DGKI: variants seen among roughly 807,000 people sequenced by gnomAD.
DGKI encodes the protein diacylglycerol kinase iota.
Under a neutral mutation model 147.5 loss-of-function variants are expected in DGKI, and 55 were observed. The observed-to-expected ratio is 0.37, with a 90% CI of 0.30 to 0.47. The LOEUF (loss-of-function observed/expected upper bound fraction) is 0.47. Among genes scored for constraint, DGKI ranks in the 20% least tolerant of loss-of-function variants. The pLI is 1.00. For missense variants in DGKI, 1,007 were observed against 1,323.8 expected, an observed-to-expected ratio of 0.76 and a Z score of 3.71; for synonymous variants, 469 against 477.1, an observed-to-expected ratio of 0.98 and a Z score of 0.22.
chr7:137,730,545 T>C (rs552439425), intron 1 of DGKI, among the ~76,000 whole-genome samples: 3 of 152,242 alleles, frequency 2.0e-5, no homozygotes, highest in East Asian at 3.9e-4. Context: ...ATGAATGCCA[T>C]TTCTCTGCTT....
At chr7:137,397,525 A>C (rs1811598297) in intron 30 of DGKI, 112 bp from the exon 31 acceptor site, 4 of 953,502 alleles carry the variant, frequency 4.2e-6, no homozygotes, top group Non-Finnish European at 6.5e-6. Flanking sequence ...ATTTGGGGAT[A>C]GGAATAATAA....
At chr7:137,543,292 T>C (rs1181457520) in intron 20 of DGKI, among the ~76,000 whole-genome samples, 1 of 152,320 alleles carries the variant, frequency 6.6e-6, no homozygotes, top group East Asian at 1.9e-4. Context: ...ACAAGATTTA[T>C]GGAGAAATAT....
rs1228749751 is a variant in DGKI, at chr7:137,623,529, T to C, written c.830A>G (p.His277Arg). 2 of 1,613,928 alleles carry C rather than the reference T, an allele frequency of 1.2e-6. No homozygotes were observed. The highest frequency in any genetic ancestry group is 1.7e-6 in the Non-Finnish European group (2 of 1,179,950). ...GCTGATAGCCACAATCTCTTTACTG[T>C]GGAAGGAGAACTTTTGCTGGAAGCC... ...GKGFQQKFSF[H>R]SKEIVAISCS... Residue 277 changes from histidine to arginine, a missense_variant, in exon 7 of 33, where the codon CAC becomes CGC. By Grantham distance (29) the His-to-Arg change is conservative. Coordinates refer to ENST00000614521, the MANE Select transcript of DGKI (RefSeq NM_001321708.2).
At chr7:137,709,964 G>GA (rs1418279399) in intron 1 of DGKI, among the ~76,000 whole-genome samples, 4 of 151,304 alleles carry the variant, frequency 2.6e-5, no homozygotes, top group Admixed American at 6.6e-5. Context: ...GACAGAAACA[G>GA]AAAAAATAGT....
At chr7:137,590,602 G>C (rs1819573839) in intron 12 of DGKI, among the ~76,000 whole-genome samples, 1 of 152,204 alleles carries the variant, frequency 6.6e-6, no homozygotes, top group South Asian at 2.1e-4. Flanking sequence ...GAACGTTAGG[G>C]GGTTAATTCA....
At chr7:137,681,266 A>G (rs940333757) in intron 2 of DGKI, among the ~76,000 whole-genome samples, 1 of 152,146 alleles carries the variant, frequency 6.6e-6, no homozygotes, top group Non-Finnish European at 1.5e-5. Flanking sequence ...TGCAAGTTCA[A>G]TTTTTTCAAG....
chr7:137,796,620 T>C (rs1437266162), intron 1 of DGKI, among the ~76,000 whole-genome samples: 1 of 152,098 alleles, frequency 6.6e-6, no homozygotes, highest in East Asian at 1.9e-4. Context: ...AGAAATCATT[T>C]AAAAAAGAGC....
At chr7:137,437,831 G>A (rs1055331111) in intron 28 of DGKI, among the ~76,000 whole-genome samples, 26 of 152,046 alleles carry the variant, frequency 1.7e-4, no homozygotes, top group Admixed American at 1.3e-4. Flanking sequence ...ACAGGGAGAC[G>A]ACAGACTTTG....
chr7:137,846,155 TCTCTCTCACACACACACA>T lies in DGKI; in HGVS notation c.401+289_401+306del, dbSNP rs1798713289. Among the ~76,000 whole-genome samples the T allele has an allele frequency of 1.4e-5, 2 of 139,882 alleles. No homozygotes were observed. Among genetic ancestry groups the T allele is most frequent in the African/African-American group, 5.9e-5 (2 of 33,990 alleles). The allele number at this position is 139,882 out of a possible 152,430, so 91.8% of individuals were successfully genotyped here. ...CTCTTTCTCTCTCTCTCTCTCTCTC[TCTCTCTCACACACACACA>T]CACACACACACACACACACACACAC... On this transcript the variant is annotated intron_variant, in intron 1 of 32. Transcript: ENST00000614521. The surrounding 1 kb of genome is among the most constrained non-coding windows in gnomAD (Gnocchi z 4.0).
rs185903307 is a variant in DGKI, at chr7:137,391,123, A to G, written c.*97T>C. The G allele has an allele frequency of 5.3e-4, 493 of 924,010 alleles. 8 individuals carry two copies. The highest frequency in any genetic ancestry group is 4.3e-3 in the South Asian group (329 of 76,106). 57.2% of individuals were successfully genotyped at this position (924,010 alleles called of 1,614,324 possible). On this transcript the variant is annotated 3_prime_UTR_variant, in exon 33 of 33. Coordinates refer to ENST00000614521, the MANE Select transcript of DGKI (RefSeq NM_001321708.2). ...AGATTCTTGCAGGAGAGAGACAGAT[A>G]TATGAATTCCATCAGCTTCTTCCAG...
chr7:137,737,219 AAAAAAAATAC>A (rs1300059570), intron 1 of DGKI, among the ~76,000 whole-genome samples: 2 of 151,580 alleles, frequency 1.3e-5, no homozygotes, highest in African/African-American at 4.8e-5. Context: ...AAAAAAAAAA[AAAAAAAATAC>A]ATACAAATTT....
chr7:137,393,862 G>C (rs559623895), intron 32 of DGKI, among the ~76,000 whole-genome samples: 1 of 152,278 alleles, frequency 6.6e-6, no homozygotes, highest in African/African-American at 2.4e-5. Flanking sequence ...CCACTAGGAA[G>C]GCAAAGTTAT....
intron 1 of DGKI, among the ~76,000 whole-genome samples, chr7:137,834,439 C>T (rs1004834329): frequency 6.6e-6 from 1 of 152,212 alleles, no homozygotes. Context: ...GAACCCAGCA[C>T]CACAATGGGA....
chr7:137,593,549 A>G (rs1819688325), intron 12 of DGKI, among the ~76,000 whole-genome samples: 1 of 152,234 alleles, frequency 6.6e-6, no homozygotes, highest in Non-Finnish European at 1.5e-5. Flanking sequence ...GCAAGCCAGT[A>G]ACAAAGAGAC....
At chr7:137,564,681 T>C (rs926078449) in intron 19 of DGKI, among the ~76,000 whole-genome samples, 2 of 152,246 alleles carry the variant, frequency 1.3e-5, no homozygotes, top group Admixed American at 6.5e-5. Context: ...ATAAAACATA[T>C]ATAATTCCTT....
At chr7:137,775,971 G>A (rs768295513) in intron 1 of DGKI, among the ~76,000 whole-genome samples, 1 of 151,854 alleles carries the variant, frequency 6.6e-6, no homozygotes, top group Non-Finnish European at 1.5e-5. Flanking sequence ...CGATTCTCCT[G>A]CTTCAGCCTC....
chr7:137,443,350 G>A (rs896409718), intron 28 of DGKI, among the ~76,000 whole-genome samples: 1 of 152,108 alleles, frequency 6.6e-6, no homozygotes, highest in African/African-American at 2.4e-5. Flanking sequence ...ATAGAGGTAT[G>A]GATACCAATT....
At chr7:137,682,438 C>T (rs1170972795) in intron 2 of DGKI, among the ~76,000 whole-genome samples, 2 of 152,142 alleles carry the variant, frequency 1.3e-5, no homozygotes, top group African/African-American at 4.8e-5. Flanking sequence ...CTGTACCTCC[C>T]TTACAGGACT....
At chr7:137,678,765 A>G in intron 2 of DGKI, 113 bp from the exon 3 acceptor site, 1 of 901,712 alleles carries the variant, frequency 1.1e-6, no homozygotes. Context: ...GAGTCTAAAC[A>G]TTTCTCATTT....
Sources: gnomAD v4.1 joint callset for allele counts (sites outside exome capture counted in the v4.1 genomes callset) on GRCh38, gnomAD v4.1.1 for gene constraint, Gnocchi (gnomAD v3.1) non-coding constraint, MANE v1.5 for transcripts, NCBI Gene and HGNC (gene_info 2026-07-23, HGNC 2026-07-21) for gene names.